EDN3: variants seen among roughly 807,000 people sequenced by gnomAD.
The protein encoded by EDN3 is endothelin-3.
In EDN3, 9 loss-of-function variants were observed where a neutral mutation model predicts 21.4. The observed-to-expected ratio is 0.42, with a 90% CI of 0.25 to 0.73. EDN3 has a LOEUF of 0.73. Ranked by LOEUF, EDN3 falls within the 30% of genes least tolerant of loss-of-function variation. EDN3 has a pLI of 0.26. For missense variants in EDN3, 327 were observed against 309.4 expected (o/e 1.06, Z -0.43); for synonymous variants, 133 against 126.2 (o/e 1.05, Z -0.36).
rs143879022 is a variant in EDN3 at position 59,302,984 on chromosome 20, A to G, written c.365+1262A>G. ...TTCAGACCAGGGGACAAGACCTCTA[A>G]TCACATCCATGATAGATCTGGAACA... On this transcript the variant is annotated intron_variant, in intron 2 of 4. Coordinates refer to ENST00000337938, the MANE Select transcript of EDN3 (RefSeq NM_207034.3). Among the ~76,000 whole-genome samples the G allele has an allele frequency of 3.5e-4, 53 of 152,276 alleles. No homozygotes were observed. The East Asian group carries it at 6.6e-3, about 19-fold the overall frequency.
rs370274014 is a variant in EDN3, at chr20:59,322,339, G to A, written c.543-33G>A. 13 of 1,613,842 alleles carry A rather than the reference G, an allele frequency of 8.1e-6. No homozygotes were observed. Among genetic ancestry groups the A allele is most frequent in the Non-Finnish European group, 9.3e-6 (11 of 1,179,740 alleles). On this transcript the variant is annotated intron_variant, in intron 3 of 4. Transcript: ENST00000337938. This position sits in a 1 kb window ranked among gnomAD's most constrained non-coding sequence, Gnocchi z 4.1. Reference sequence around the variant, plus strand: ...AAAAACCAGCCACAGGGAAAGGCAGGTTGATTGATTAAAACCAGCTCTCTC... The same window carrying A: ...AAAAACCAGCCACAGGGAAAGGCAGATTGATTGATTAAAACCAGCTCTCTC...
chr20:59,322,395 CAG>C lies in EDN3; in HGVS notation c.568_569del (p.Asp190GlnfsTer8), dbSNP rs769685879. 5.6e-5 allele frequency: 91 copies of C among 1,614,118 alleles called. No homozygotes were observed. The South Asian group carries it at 5.9e-4, about 11-fold the overall frequency. On this transcript the variant is annotated frameshift_variant, in exon 4 of 5. Coordinates refer to ENST00000337938, the MANE Select transcript of EDN3 (RefSeq NM_207034.3). LOFTEE classifies it low-confidence loss of function (END_TRUNC). The surrounding 1 kb of genome is among the most constrained non-coding windows in gnomAD (Gnocchi z 4.1). ...AGTAATTCAAGGACGGCAGAAAAAA[CAG>C]ACAAAGAAGAGGAAGGGAAGGTGAG...
intron 2 of EDN3, among the ~76,000 whole-genome samples, chr20:59,303,817 CT>C (rs1458478986): frequency 9.2e-5 from 14 of 152,292 alleles, no homozygotes; most frequent in African/African-American, 2.9e-4. Context: ...AACTTTCCCC[CT>C]GAAGTGTGAT....
rs565004017 is a variant in EDN3, at chr20:59,301,346, G to A, written c.53-64G>A. 1.0e-5 allele frequency: 16 copies of A among 1,573,968 alleles called. No individual in the cohort carries two copies. In the East Asian group the frequency reaches 3.2e-4, roughly 31 times the overall value. On this transcript the variant is annotated intron_variant, in intron 1 of 4. Coordinates refer to ENST00000337938, the MANE Select transcript of EDN3 (RefSeq NM_207034.3). The stretch of plus-strand genomic sequence containing the variant: ...CTCCACCCCCCTCCTCAGGTGTTTG[G>A]GGGTGGCGGGTGTTGAGGGGTCTGC...
chr20:59,302,379 C>T lies in EDN3; in HGVS notation c.365+657C>T, dbSNP rs11570263. On this transcript the variant is annotated intron_variant, in intron 2 of 4. Coordinates refer to ENST00000337938, the MANE Select transcript of EDN3 (RefSeq NM_207034.3). ...AGGGCCTTCCCTTCTCTCCTGCAGTCCTTAGAAACTCTCTTACCCTAGGGC... is the reference window on the plus strand; with the variant it reads ...AGGGCCTTCCCTTCTCTCCTGCAGTTCTTAGAAACTCTCTTACCCTAGGGC... Among the ~76,000 whole-genome samples, 128 of 152,260 alleles carry T rather than the reference C, an allele frequency of 8.4e-4. No individual in the cohort carries two copies. In the Middle Eastern group the frequency reaches 0.01, roughly 12 times the overall value.
Position 59,324,568 on chromosome 20 carries a change from C to A in EDN3, c.*109C>A. ...AGAAGTGAATTTGCCTGGGGCAGAA[C>A]ACCCACCCAAAGAGTCCCCACTTAA... On this transcript the variant is annotated 3_prime_UTR_variant, in exon 5 of 5. Coordinates refer to ENST00000337938, the MANE Select transcript of EDN3 (RefSeq NM_207034.3). 1.3e-6 allele frequency: 2 copies of A among 1,505,156 alleles called. No individual in the cohort carries two copies. The highest frequency in any genetic ancestry group is 1.8e-6 in the Non-Finnish European group (2 of 1,094,364). 93.2% of individuals were successfully genotyped at this position (1,505,156 alleles called of 1,614,324 possible).
intron 2 of EDN3, among the ~76,000 whole-genome samples, chr20:59,315,336 G>A (rs1990107406): frequency 6.6e-6 from 1 of 152,226 alleles, no homozygotes; most frequent in Admixed American, 6.5e-5. Context: ...CCTCCTCTTG[G>A]CCACAGGACA....
At chr20:59,306,587 A>AT (rs1408637679) in intron 2 of EDN3, among the ~76,000 whole-genome samples, 3 of 141,470 alleles carry the variant, frequency 2.1e-5, no homozygotes, top group Non-Finnish European at 4.7e-5. Context: ...CCCTAAATGC[A>AT]TAAAGAGTAA....
At chr20:59,324,136 A>C (rs909117397) in intron 4 of EDN3, among the ~76,000 whole-genome samples, 195 bp from the exon 5 acceptor site, 1 of 152,144 alleles carries the variant, frequency 6.6e-6, no homozygotes, top group African/African-American at 2.4e-5. Context: ...TATTCTTTTC[A>C]CACTTTTCCA....
chr20:59,302,826 C>T (rs1335791527), intron 2 of EDN3, among the ~76,000 whole-genome samples: 1 of 152,172 alleles, frequency 6.6e-6, no homozygotes, highest in African/African-American at 2.4e-5. Context: ...TCACGGTCAC[C>T]TTTATCCCCA....
At chr20:59,306,814 C>A (rs1989460469) in intron 2 of EDN3, among the ~76,000 whole-genome samples, 1 of 152,064 alleles carries the variant, frequency 6.6e-6, no homozygotes, top group African/African-American at 2.4e-5. Flanking sequence ...CATGAGGAGC[C>A]AGCTGAGCAC....
rs1989058914 is a variant in EDN3, at chr20:59,301,756, C to T, written c.365+34C>T. ...GCCTTTTGTGGTGAGGAACGTGGCT[C>T]CCGGACCAGGCCCACATCTGCTCAT... On this transcript the variant is annotated intron_variant, in intron 2 of 4. Transcript: ENST00000337938. The T allele has an allele frequency of 2.5e-6, 4 of 1,610,388 alleles. No individual in the cohort carries two copies. In the Admixed American group the frequency reaches 5.0e-5, roughly 20 times the overall value.
intron 2 of EDN3, among the ~76,000 whole-genome samples, chr20:59,304,549 A>T (rs574194256): frequency 1.3e-5 from 2 of 152,238 alleles, no homozygotes; most frequent in African/African-American, 4.8e-5. Context: ...CTTTCCTCCC[A>T]TGGCGCATCC....
intron 3 of EDN3, among the ~76,000 whole-genome samples, chr20:59,321,638 T>C (rs1410498915): frequency 6.6e-6 from 1 of 152,242 alleles, no homozygotes; most frequent in Non-Finnish European, 1.5e-5. Flanking sequence ...TAGGACCATC[T>C]GGTCTCAGAG....
chr20:59,313,551 TA>T (rs1989973942), intron 2 of EDN3, among the ~76,000 whole-genome samples: 1 of 152,072 alleles, frequency 6.6e-6, no homozygotes, highest in South Asian at 2.1e-4. Flanking sequence ...AGTAATTTTT[TA>T]AAAAGGCAAC....
At chr20:59,313,297 G>A (rs189652983) in intron 2 of EDN3, among the ~76,000 whole-genome samples, 92 of 152,280 alleles carry the variant, frequency 6.0e-4, no homozygotes, top group Non-Finnish European at 8.7e-4. Context: ...GAGGTGAATG[G>A]GGCAGACACA....
intron 4 of EDN3, 118 bp from the exon 5 acceptor site, chr20:59,324,213 G>T: frequency 7.6e-7 from 1 of 1,308,914 alleles, no homozygotes; most frequent in Non-Finnish European, 1.1e-6. Flanking sequence ...TCCAATCAGG[G>T]AACAGGCTGG....
At chr20:59,303,410 T>C (rs1010197725) in intron 2 of EDN3, among the ~76,000 whole-genome samples, 2 of 152,216 alleles carry the variant, frequency 1.3e-5, no homozygotes, top group African/African-American at 4.8e-5. Context: ...TCCTGCATCA[T>C]TGTGCTCTGA....
In EDN3 at chr20:59,300,785, C is replaced by A; in HGVS notation, c.-28C>A. On this transcript the variant is annotated 5_prime_UTR_variant, in exon 1 of 5. Coordinates refer to ENST00000337938, the MANE Select transcript of EDN3 (RefSeq NM_207034.3). The stretch of plus-strand genomic sequence containing the variant: ...GGCCACAAGCGGCCGTCCTCCTGGT[C>A]CGGTGCTCCGGCGCCTGATCTAGGT... 6.2e-7 allele frequency: 1 copy of A among 1,604,166 alleles called. No individual in the cohort carries two copies. Among genetic ancestry groups the A allele is most frequent in the Non-Finnish European group, 8.5e-7 (1 of 1,176,732 alleles).
Sources: gnomAD v4.1 joint callset for allele counts (sites outside exome capture counted in the v4.1 genomes callset) on GRCh38, gnomAD v4.1.1 for gene constraint, Gnocchi (gnomAD v3.1) non-coding constraint, MANE v1.5 for transcripts, NCBI Gene and HGNC (gene_info 2026-07-23, HGNC 2026-07-21) for gene names.